LPP: variants seen among roughly 807,000 people sequenced by gnomAD.
The protein encoded by LPP is lipoma-preferred partner.
In LPP, 38 loss-of-function variants were observed where a neutral mutation model predicts 60.4. The observed-to-expected ratio is 0.63, with a 90% CI of 0.49 to 0.83. LPP has a LOEUF of 0.83. LPP is among the 40% of genes least tolerant of loss of function. LPP has a pLI of 0.00. For missense variants in LPP, 902 were observed against 783.6 expected (o/e 1.15, Z -1.80); for synonymous variants, 328 against 290.8 (o/e 1.13, Z -1.30).
intron 6 of LPP, among the ~76,000 whole-genome samples, chr3:188,529,729 C>A (rs1400402520): frequency 2.0e-5 from 3 of 152,162 alleles, no homozygotes; most frequent in African/African-American, 7.2e-5. Context: ...ATTCACCTAA[C>A]ATTTGATGAG....
intron 9 of LPP, among the ~76,000 whole-genome samples, chr3:188,834,489 A>G: frequency 6.6e-6 from 1 of 151,852 alleles, no homozygotes; most frequent in East Asian, 1.9e-4. Flanking sequence ...ATGTGGTGCT[A>G]CCAGCCTTCC....
rs1769029603 is a variant in LPP at position 188,874,612 on chromosome 3, A to G, written c.*133A>G. 2.0e-6 allele frequency: 2 copies of G among 1,008,780 alleles called. No individual in the cohort carries two copies. The highest frequency in any genetic ancestry group is 1.6e-5 in the African/African-American group (1 of 61,984). The allele number at this position is 1,008,780 out of a possible 1,614,324, so 62.5% of individuals were successfully genotyped here. ...GCTATTAACCTTGCCTTAGAAACAC[A>G]TAAATTATGAGATTTTTTTTAAAAG... On this transcript the variant is annotated 3_prime_UTR_variant, in exon 12 of 12. Transcript: ENST00000617246.
chr3:188,253,439 T>A (rs1048489777), intron 2 of LPP, among the ~76,000 whole-genome samples: 2 of 152,178 alleles, frequency 1.3e-5, no homozygotes, highest in African/African-American at 4.8e-5. Context: ...ATGGATCTAA[T>A]TTTACTTTTT....
At chr3:188,676,060 G>A (rs1857994189) in intron 7 of LPP, among the ~76,000 whole-genome samples, 1 of 152,110 alleles carries the variant, frequency 6.6e-6, no homozygotes, top group South Asian at 2.1e-4. Context: ...ATGAGAATTG[G>A]CTTTGGTCTG....
At chr3:188,523,977 CCTCTA>C (rs1316126552) in intron 5 of LPP, among the ~76,000 whole-genome samples, 1 of 152,134 alleles carries the variant, frequency 6.6e-6, no homozygotes, top group Non-Finnish European at 1.5e-5. Flanking sequence ...ATGTTGTTGT[CCTCTA>C]CTCTCCTGTT....
At chr3:188,801,320 A>C (rs1479567298) in intron 9 of LPP, among the ~76,000 whole-genome samples, 3 of 152,176 alleles carry the variant, frequency 2.0e-5, no homozygotes, top group African/African-American at 7.2e-5. Flanking sequence ...ATATACATGC[A>C]ATACTGAAGA....
At position 188,883,857 on chromosome 3, in the gene LPP, C is replaced by G. The variant is rs1460087781; in HGVS notation, c.*9378C>G. On this transcript the variant is annotated 3_prime_UTR_variant, in exon 12 of 12. Transcript: ENST00000617246. ...AACTCATTATTTCTAGTTAGTTCAT[C>G]TGTGGAAAAGGATATCGTTCTTGAG... 1 of 206,578 alleles carries G rather than the reference C, an allele frequency of 4.8e-6. No individual in the cohort carries two copies. The highest frequency in any genetic ancestry group is 6.0e-5 in the Admixed American group (1 of 16,754). The allele number at this position is 206,578 out of a possible 1,614,324, so 12.8% of individuals were successfully genotyped here. A position where few individuals can be genotyped will look rare whatever the true frequency, so the allele number is the denominator to read the frequency against.
At chr3:188,553,413 T>C (rs1180208335) in intron 6 of LPP, among the ~76,000 whole-genome samples, 4 of 152,156 alleles carry the variant, frequency 2.6e-5, no homozygotes, top group Non-Finnish European at 5.9e-5. Flanking sequence ...AGGGGGTTAC[T>C]TAGGACAGAG....
intron 6 of LPP, among the ~76,000 whole-genome samples, chr3:188,556,034 G>A (rs1490172421): frequency 6.6e-6 from 1 of 152,128 alleles, no homozygotes; most frequent in Admixed American, 6.6e-5. Context: ...TGAAAAATGT[G>A]CTTCAAGAGT....
chr3:188,489,091 A>C (rs571417239), intron 5 of LPP, among the ~76,000 whole-genome samples: 2 of 152,294 alleles, frequency 1.3e-5, no homozygotes, highest in Admixed American at 1.3e-4. Context: ...AATTAGAGTT[A>C]ATACATTCAA....
intron 2 of LPP, among the ~76,000 whole-genome samples, chr3:188,308,670 C>A (rs113782720): frequency 0.013 from 1,924 of 152,266 alleles, 9 homozygotes; most frequent in Non-Finnish European, 0.02. Flanking sequence ...CAGTGCTGCA[C>A]AAAGTGTTGA....
intron 9 of LPP, among the ~76,000 whole-genome samples, chr3:188,816,132 C>A (rs1223855238): frequency 6.6e-6 from 1 of 150,616 alleles, no homozygotes; most frequent in Non-Finnish European, 1.5e-5. Context: ...GCTGTATAGA[C>A]ACTTTTCTAC....
chr3:188,250,648 T>G (rs1000355331), intron 2 of LPP, among the ~76,000 whole-genome samples: 4 of 152,140 alleles, frequency 2.6e-5, no homozygotes, highest in Admixed American at 6.5e-5. Flanking sequence ...CGTTCTACTG[T>G]ATGCGGGAGC....
chr3:188,309,293 T>C (rs1752644894), intron 2 of LPP, among the ~76,000 whole-genome samples: 1 of 152,090 alleles, frequency 6.6e-6, no homozygotes, highest in South Asian at 2.1e-4. Context: ...AGTGCTGGGA[T>C]TACAGTCATG....
At chr3:188,683,779 T>C (rs1377406061) in intron 7 of LPP, among the ~76,000 whole-genome samples, 1 of 152,232 alleles carries the variant, frequency 6.6e-6, no homozygotes, top group Non-Finnish European at 1.5e-5. Context: ...TCTAATTGTC[T>C]ACAGATTTAT....
At chr3:188,703,078 A>G (rs1254795884) in intron 7 of LPP, among the ~76,000 whole-genome samples, 2 of 152,216 alleles carry the variant, frequency 1.3e-5, no homozygotes, top group Non-Finnish European at 2.9e-5. Flanking sequence ...TTGTGTAGGC[A>G]TTTGAGATTT....
At chr3:188,229,623 C>G (rs1312151268) in intron 2 of LPP, among the ~76,000 whole-genome samples, 2 of 152,182 alleles carry the variant, frequency 1.3e-5, no homozygotes, top group Non-Finnish European at 2.9e-5. Context: ...TATCCAGTCC[C>G]CTGAAACTCT....
chr3:188,561,955 T>G (rs550960403), intron 6 of LPP, among the ~76,000 whole-genome samples: 2 of 151,978 alleles, frequency 1.3e-5, no homozygotes, highest in East Asian at 3.9e-4. Flanking sequence ...TTGCAGCGCA[T>G]GGACTTGTGA....
At chr3:188,801,815 G>A (rs1747367148) in intron 9 of LPP, among the ~76,000 whole-genome samples, 1 of 152,162 alleles carries the variant, frequency 6.6e-6, no homozygotes, top group Admixed American at 6.5e-5. Flanking sequence ...GATGGAGTTG[G>A]ATAAAGACTG....
Sources: allele counts gnomAD v4.1 joint callset (sites outside exome capture counted in the v4.1 genomes callset), GRCh38; gene constraint gnomAD v4.1.1; transcripts MANE v1.5; gene names NCBI Gene and HGNC (gene_info 2026-07-23, HGNC 2026-07-21).